THRAP3: variants seen among roughly 807,000 people sequenced by gnomAD.
THRAP3 encodes the protein thyroid hormone receptor-associated protein 3.
Under a neutral mutation model 101.0 loss-of-function variants are expected in THRAP3, and 16 were observed. The ratio of observed to expected loss-of-function variants is 0.16; its 90% CI spans 0.11 to 0.24. The LOEUF is 0.24. Ranked by LOEUF, THRAP3 falls within the 10% of genes least tolerant of loss-of-function variation. The probability of loss-of-function intolerance (pLI) is 1.00; values close to 1 mark genes in which losing one functional copy is unlikely to be tolerated. For missense variants in THRAP3, 989 were observed against 1,202.7 expected (o/e 0.82, Z 2.63); for synonymous variants, 407 against 422.6 (o/e 0.96, Z 0.45).
At chr1:36,278,035 G>A (rs1293567256) in intron 2 of THRAP3, among the ~76,000 whole-genome samples, 1 of 150,038 alleles carries the variant, frequency 6.7e-6, no homozygotes, top group Admixed American at 6.7e-5. Context: ...AGTGCTGAGT[G>A]GGGTTACGGT....
chr1:36,245,715 T>C (rs751144920), intron 1 of THRAP3, among the ~76,000 whole-genome samples: 19 of 152,220 alleles, frequency 1.2e-4, no homozygotes, highest in South Asian at 2.1e-4. Flanking sequence ...TGAGGCTAGC[T>C]ATGTTTTGGT....
chr1:36,255,403 G>A (rs531121896), intron 1 of THRAP3, among the ~76,000 whole-genome samples: 3 of 151,924 alleles, frequency 2.0e-5, no homozygotes, highest in South Asian at 4.2e-4. Context: ...TGAGGCTGGC[G>A]GATCATGTGA....
At chr1:36,249,915 C>T (rs1374065744) in intron 1 of THRAP3, among the ~76,000 whole-genome samples, 1 of 152,120 alleles carries the variant, frequency 6.6e-6, no homozygotes, top group African/African-American at 2.4e-5. Flanking sequence ...GAATTTTATG[C>T]AGTAAGCAGG....
intron 1 of THRAP3, among the ~76,000 whole-genome samples, chr1:36,231,660 G>A (rs751342590): frequency 9.2e-5 from 14 of 152,076 alleles, no homozygotes; most frequent in Non-Finnish European, 1.6e-4. Context: ...TAGTAAAAAG[G>A]ATGGCATGAA....
rs754753716 is a variant in THRAP3 at position 36,291,427 on chromosome 1, G to A, written c.1799G>A (p.Ser600Asn). The A allele has an allele frequency of 6.2e-7, 1 of 1,614,220 alleles. No homozygotes were observed. The highest frequency in any genetic ancestry group is 1.1e-5 in the South Asian group (1 of 91,080). ...ERKLCRDLVH[S>N]NKKEQEFRSI... ...AAGCTTTGCCGAGATCTAGTCCATA[G>A]CAACAAAAAGGAACAGGAGTTTCGT... The change falls in exon 6 of 12, where the codon AGC (serine) becomes AAC (asparagine). Residue 600 changes from serine to asparagine, a missense_variant. Coordinates refer to ENST00000354618, the MANE Select transcript of THRAP3 (RefSeq NM_005119.4).
At position 36,291,519 on chromosome 1, in the gene THRAP3, A is replaced by G. The variant is rs1449854067; in HGVS notation, c.1891A>G (p.Ile631Val). Residue 631 changes from isoleucine to valine, a missense_variant, in exon 6 of 12, where the codon ATA becomes GTA. By Grantham distance (29) the Ile-to-Val change is conservative (BLOSUM62 3). Transcript: ENST00000354618. ...CCCCTCAGAACTGTTTGCCCAACAT[A>G]TAGTGACCATTGTTCACCATGTTAA... ...RSPSELFAQH[I>V]VTIVHHVKEH... 4 of 1,614,206 alleles carry G rather than the reference A, an allele frequency of 2.5e-6. No individual in the cohort carries two copies. In the African/African-American group the frequency reaches 4.0e-5, roughly 16 times the overall value.
intron 2 of THRAP3, among the ~76,000 whole-genome samples, chr1:36,281,120 T>C (rs1311956118): frequency 6.6e-6 from 1 of 152,118 alleles, no homozygotes; most frequent in Non-Finnish European, 1.5e-5. Context: ...TTGGCCACGC[T>C]GGTCTTGAAC....
chr1:36,293,531 C>T (rs1274090764), intron 7 of THRAP3, among the ~76,000 whole-genome samples: 1 of 151,980 alleles, frequency 6.6e-6, no homozygotes, highest in Non-Finnish European at 1.5e-5. Flanking sequence ...GGACTAGAAA[C>T]AAAGTTGGCC....
intron 1 of THRAP3, among the ~76,000 whole-genome samples, chr1:36,229,052 G>A (rs1644994639): frequency 6.6e-6 from 1 of 152,022 alleles, no homozygotes; most frequent in South Asian, 2.1e-4. Context: ...AAGAGACATG[G>A]GTACCCTTTC....
intron 1 of THRAP3, among the ~76,000 whole-genome samples, chr1:36,251,591 A>G (rs747328293): frequency 1.3e-5 from 2 of 152,180 alleles, no homozygotes; most frequent in Non-Finnish European, 2.9e-5. Flanking sequence ...TCAAGATGGA[A>G]TTAGTGTCTT....
intron 2 of THRAP3, among the ~76,000 whole-genome samples, chr1:36,276,589 G>T (rs191289957): frequency 6.6e-6 from 1 of 151,150 alleles, no homozygotes; most frequent in East Asian, 2.0e-4. Flanking sequence ...GGGCATGGAG[G>T]CTCATGCCTG....
rs575974950 is a variant in THRAP3 at position 36,259,544 on chromosome 1, G to A, written c.-32+60G>A. On this transcript the variant is annotated intron_variant, in intron 2 of 11. Transcript: ENST00000354618. The stretch of plus-strand genomic sequence containing the variant: ...CACTAATTTGTAAAACCAATCTTAC[G>A]TTAAGAATTGATTATTTCGAGACCA... 1.5e-5 allele frequency: 6 copies of A among 397,484 alleles called. No individual in the cohort carries two copies. In the South Asian group the frequency reaches 3.9e-4, roughly 26 times the overall value. 24.6% of individuals were successfully genotyped at this position (397,484 alleles called of 1,614,324 possible).
chr1:36,213,909 G>GAGAA, the THRAP3 span, among the ~76,000 whole-genome samples: 7,389 of 80,176 alleles, frequency 0.092, 871 homozygotes, highest in East Asian at 0.17. Flanking sequence ...AAGAAGGAAA[G>GAGAA]AGAAAGAAAG....
intron 2 of THRAP3, among the ~76,000 whole-genome samples, chr1:36,267,151 T>C (rs1173545520): frequency 6.6e-6 from 1 of 152,184 alleles, no homozygotes; most frequent in Non-Finnish European, 1.5e-5. Flanking sequence ...CCCAAAGTGC[T>C]GGTATTACAG....
intron 1 of THRAP3, among the ~76,000 whole-genome samples, chr1:36,252,660 C>T (rs543431311): frequency 2.0e-5 from 3 of 151,952 alleles, no homozygotes; most frequent in African/African-American, 4.8e-5. Context: ...GCAATCCCAG[C>T]GCTTTGGGAG....
the THRAP3 span, among the ~76,000 whole-genome samples, chr1:36,210,746 A>ATCATATATATATATCATATAT: frequency 3.0e-5 from 3 of 98,866 alleles, no homozygotes; most frequent in African/African-American, 1.2e-4. Context: ...TCATATATAT[A>ATCATATATATATATCATATAT]AAGTGTCAGC....
chr1:36,215,214 A>T, the THRAP3 span, among the ~76,000 whole-genome samples: 14 of 152,144 alleles, frequency 9.2e-5, 1 homozygote, highest in African/African-American at 3.4e-4. Flanking sequence ...ACAGAGCGAG[A>T]CTCAAAAAAA....
At chr1:36,212,793 G>A in the THRAP3 span, among the ~76,000 whole-genome samples, 1 of 152,170 alleles carries the variant, frequency 6.6e-6, no homozygotes, top group Non-Finnish European at 1.5e-5. Context: ...AACTGGCAGA[G>A]CAACAGATGC....
intron 2 of THRAP3, among the ~76,000 whole-genome samples, chr1:36,263,027 G>T (rs1645467417): frequency 6.8e-6 from 1 of 146,552 alleles, no homozygotes; most frequent in Non-Finnish European, 1.5e-5. Context: ...AGCCAGGATG[G>T]TCTCTATCTC....
Sources: gnomAD v4.1 joint callset for allele counts (sites outside exome capture counted in the v4.1 genomes callset) on GRCh38, gnomAD v4.1.1 for gene constraint, MANE v1.5 for transcripts, NCBI Gene and HGNC (gene_info 2026-07-23, HGNC 2026-07-21) for gene names.